The following ANK3 variants were observed in gnomAD, a reference collection of about 807,000 sequenced individuals.
The protein encoded by ANK3 is ankyrin 3.
ANK3 carries 57 observed loss-of-function variants against 370.9 expected under a neutral mutation model. The ratio of observed to expected loss-of-function variants is 0.15; its 90% CI spans 0.12 to 0.19. The LOEUF is 0.19. Among genes scored for constraint, ANK3 ranks in the 10% least tolerant of loss-of-function variants. ANK3 has a pLI of 1.00. For synonymous variants in ANK3, 1,929 were observed against 1,946.3 expected (o/e 0.99, Z 0.23); for missense variants, 4,439 against 5,302.1 (o/e 0.84, Z 5.06).
At chr10:60,426,205 T>C (rs968625116) in intron 2 of ANK3, among the ~76,000 whole-genome samples, 1 of 152,062 alleles carries the variant, frequency 6.6e-6, no homozygotes, top group Admixed American at 6.6e-5. Flanking sequence ...CTGCTTCCAG[T>C]TTGGCCAATA....
chr10:60,710,540 A>T (rs1377502067), intron 1 of ANK3, among the ~76,000 whole-genome samples: 3 of 152,118 alleles, frequency 2.0e-5, no homozygotes, highest in Non-Finnish European at 4.4e-5. Context: ...TAATTTTTTC[A>T]ATATTTCTAC....
chr10:60,252,894 G>A (rs939377573), intron 7 of ANK3, among the ~76,000 whole-genome samples: 2 of 152,210 alleles, frequency 1.3e-5, no homozygotes. Context: ...CCTCCTGGAT[G>A]CAAGCAGTGA....
At chr10:60,549,093 G>A (rs2077034231) in intron 2 of ANK3, among the ~76,000 whole-genome samples, 2 of 150,376 alleles carry the variant, frequency 1.3e-5, no homozygotes, top group Non-Finnish European at 3.0e-5. Context: ...GGAAACCAAG[G>A]TAATCAATAA....
intron 1 of ANK3, among the ~76,000 whole-genome samples, chr10:60,730,976 C>A (rs7072106): frequency 6.6e-6 from 1 of 151,886 alleles, no homozygotes; most frequent in East Asian, 1.9e-4. Flanking sequence ...TGCCATTTAC[C>A]TAGGCTAGAA....
rs186344167 is a variant in ANK3 at position 60,684,472 on chromosome 10, G to A, written c.57+48791C>T. ...AGTCCTAAGGCAAGAAGTAGAAAGC[G>A]TTTCAATTTGGGACATTTATTTGCA... On this transcript the variant is annotated intron_variant, in intron 1 of 43. Coordinates refer to the ANK3 transcript ENST00000373827. 164 of 1,263,048 alleles carry A rather than the reference G, an allele frequency of 1.3e-4. 1 individual carries two copies. The highest frequency in any genetic ancestry group is 9.5e-4 in the East Asian group (38 of 39,900). 78.2% of individuals were successfully genotyped at this position (1,263,048 alleles called of 1,614,324 possible).
chr10:60,421,682 A>C (rs1467748042), intron 2 of ANK3, among the ~76,000 whole-genome samples: 2 of 152,010 alleles, frequency 1.3e-5, no homozygotes, highest in African/African-American at 4.8e-5. Flanking sequence ...TAGATCTCAT[A>C]AGTAGACAGG....
At chr10:60,165,775 G>A (rs1463685231) in intron 23 of ANK3, among the ~76,000 whole-genome samples, 1 of 152,138 alleles carries the variant, frequency 6.6e-6, no homozygotes, top group Admixed American at 6.5e-5. Flanking sequence ...TCATAATAGG[G>A]TAGACTGTAT....
chr10:60,156,803 A>T (rs987221152), intron 23 of ANK3, among the ~76,000 whole-genome samples: 2 of 152,198 alleles, frequency 1.3e-5, no homozygotes, highest in Non-Finnish European at 2.9e-5. Flanking sequence ...ATTCTTGGAA[A>T]GTCCTCTCAA....
chr10:60,511,827 T>A, intron 2 of ANK3, among the ~76,000 whole-genome samples: 1 of 151,596 alleles, frequency 6.6e-6, no homozygotes. Context: ...ACTTTGCAAA[T>A]TGTGCAGTAC....
intron 1 of ANK3, among the ~76,000 whole-genome samples, chr10:60,715,611 G>A: frequency 6.6e-6 from 1 of 152,062 alleles, no homozygotes; most frequent in East Asian, 1.9e-4. Flanking sequence ...AGTAACTTCT[G>A]GAGACTTTGT....
At chr10:60,165,752 T>G (rs551789278) in intron 23 of ANK3, among the ~76,000 whole-genome samples, 49 of 152,232 alleles carry the variant, frequency 3.2e-4, no homozygotes, top group African/African-American at 1.1e-3. Context: ...ACATGACAGG[T>G]GGCAAATGGA....
chr10:60,144,399 G>T (rs956418862), intron 23 of ANK3, among the ~76,000 whole-genome samples: 2 of 152,150 alleles, frequency 1.3e-5, no homozygotes, highest in Admixed American at 6.6e-5. Flanking sequence ...ACTTAGTATT[G>T]ACTTGATGCA....
At chr10:60,166,108 T>C (rs901146534) in intron 23 of ANK3, among the ~76,000 whole-genome samples, 3 of 137,938 alleles carry the variant, frequency 2.2e-5, no homozygotes, top group Admixed American at 6.9e-5. Flanking sequence ...TTTCAAAAGT[T>C]TTTTTTTTCA....
intron 2 of ANK3, among the ~76,000 whole-genome samples, chr10:60,491,897 A>G (rs2075517129): frequency 6.6e-6 from 1 of 152,142 alleles, no homozygotes; most frequent in Admixed American, 6.5e-5. Context: ...GTATTTTTGC[A>G]TGGCTTAACA....
At chr10:60,518,935 C>G (rs2076286771) in intron 2 of ANK3, among the ~76,000 whole-genome samples, 1 of 152,104 alleles carries the variant, frequency 6.6e-6, no homozygotes, top group African/African-American at 2.4e-5. Flanking sequence ...GGAGGCGTCC[C>G]CATCTCTTCC....
intron 1 of ANK3, among the ~76,000 whole-genome samples, chr10:60,356,126 TA>T (rs2057700238): frequency 6.6e-6 from 1 of 152,158 alleles, no homozygotes. Context: ...CCAGTAGAAA[TA>T]ATCTGAGGCA....
At chr10:60,178,855 C>T (rs1362039734) in intron 18 of ANK3, among the ~76,000 whole-genome samples, 1 of 151,748 alleles carries the variant, frequency 6.6e-6, no homozygotes, top group African/African-American at 2.4e-5. Flanking sequence ...TCAAACAACA[C>T]TGATTATTAT....
intron 2 of ANK3, among the ~76,000 whole-genome samples, chr10:60,593,842 T>C (rs974738559): frequency 2.0e-5 from 3 of 152,204 alleles, no homozygotes; most frequent in Non-Finnish European, 2.9e-5. Flanking sequence ...TGAAGGTATC[T>C]ACATGGGTTT....
chr10:60,038,715 T>C lies in ANK3; in HGVS notation c.*19+3957A>G, dbSNP rs137857186. On this transcript the variant is annotated intron_variant, in intron 43 of 43. Transcript: ENST00000280772. ...TGTGTGTGTGTGTGTTTTAATGTTA[T>C]CTTGTGCCTATCTTACCTACCACCA... Among the ~76,000 whole-genome samples the C allele has an allele frequency of 4.2e-3, 634 of 152,242 alleles. 4 individuals are homozygous for C. Among genetic ancestry groups the C allele is most frequent in the Middle Eastern group, 0.02 (6 of 294 alleles).
Sources: allele counts gnomAD v4.1 joint callset (sites outside exome capture counted in the v4.1 genomes callset), GRCh38; gene constraint gnomAD v4.1.1; transcripts MANE v1.5; gene names NCBI Gene and HGNC (gene_info 2026-07-23, HGNC 2026-07-21).